ACTL8: variants seen among roughly 807,000 people sequenced by gnomAD.
ACTL8 encodes the protein actin-like protein 8.
In ACTL8, 3 loss-of-function variants were observed where a neutral mutation model predicts 9.3. The ratio of observed to expected loss-of-function variants is 0.32; its 90% confidence interval spans 0.15 to 0.83. ACTL8 has a LOEUF of 0.83. Ranked by LOEUF, ACTL8 falls within the 40% of genes least tolerant of loss-of-function variation. ACTL8 has a pLI of 0.57. For missense variants in ACTL8, 381 were observed against 492.2 expected (o/e 0.77, Z 2.14); for synonymous variants, 224 against 205.9 (o/e 1.09, Z -0.75).
At chr1:17,797,896 G>A (rs552687149) in intron 1 of ACTL8, among the ~76,000 whole-genome samples, 1 of 152,322 alleles carries the variant, frequency 6.6e-6, no homozygotes, top group South Asian at 2.1e-4. Context: ...TGGGTACAGG[G>A]CAGGGGAGCA....
At chr1:17,769,415 A>G (rs762398173) in intron 1 of ACTL8, among the ~76,000 whole-genome samples, 3 of 152,198 alleles carry the variant, frequency 2.0e-5, no homozygotes, top group Non-Finnish European at 2.9e-5. Flanking sequence ...TTTTCACCTT[A>G]GACACGTTTG....
At chr1:17,815,071 G>A (rs1053938603) in intron 1 of ACTL8, among the ~76,000 whole-genome samples, 2 of 152,082 alleles carry the variant, frequency 1.3e-5, no homozygotes, top group African/African-American at 4.8e-5. Flanking sequence ...ATACCATTAT[G>A]TTACAGTTGC....
At chr1:17,824,223 C>T (rs1460724498) in intron 2 of ACTL8, among the ~76,000 whole-genome samples, 2 of 152,146 alleles carry the variant, frequency 1.3e-5, no homozygotes, top group African/African-American at 4.8e-5. Context: ...CAAGGATTGG[C>T]AACCCAGTGA....
intron 1 of ACTL8, among the ~76,000 whole-genome samples, chr1:17,802,424 C>CGTGCGTGT (rs1486912826): frequency 6.8e-6 from 1 of 146,694 alleles, no homozygotes; most frequent in African/African-American, 2.5e-5. Flanking sequence ...ACTGTGCGTG[C>CGTGCGTGT]GTGTGTGTGT....
At chr1:17,810,838 C>T (rs1349010193) in intron 1 of ACTL8, among the ~76,000 whole-genome samples, 1 of 152,136 alleles carries the variant, frequency 6.6e-6, no homozygotes, top group Non-Finnish European at 1.5e-5. Flanking sequence ...ATCAATAGTT[C>T]CTTTTTATTG....
Position 17,823,481 on chromosome 1 carries a change from G to T in ACTL8, c.348+125G>T. The T allele has an allele frequency of 1.1e-6, 1 of 942,300 alleles. No homozygotes were observed. The highest frequency in any genetic ancestry group is 2.6e-5 in the East Asian group (1 of 37,876). 58.4% of individuals were successfully genotyped at this position (942,300 alleles called of 1,614,324 possible). A position where few individuals can be genotyped will look rare whatever the true frequency, so the allele number is the denominator to read the frequency against. ...TTGCCAACCAGGTGTGGTGGCTTAT[G>T]CCTGTAATCCCAACACTTTGGGACT... On this transcript the variant is annotated intron_variant, in intron 2 of 2. Transcript: ENST00000375406. The surrounding 1 kb of genome is among the most constrained non-coding windows in gnomAD (Gnocchi z 5.3).
intron 1 of ACTL8, among the ~76,000 whole-genome samples, chr1:17,805,907 T>C (rs966397114): frequency 2.6e-5 from 4 of 152,200 alleles, no homozygotes; most frequent in African/African-American, 7.2e-5. Flanking sequence ...CTCACCTACC[T>C]ATCCACTCTT....
At chr1:17,759,552 C>G (rs527312891) in intron 1 of ACTL8, among the ~76,000 whole-genome samples, 1 of 152,254 alleles carries the variant, frequency 6.6e-6, no homozygotes, top group East Asian at 1.9e-4. Flanking sequence ...TTTTTTTCTC[C>G]CCCAATGTAG....
intron 1 of ACTL8, among the ~76,000 whole-genome samples, chr1:17,780,218 C>T (rs991440164): frequency 6.6e-6 from 1 of 151,956 alleles, no homozygotes; most frequent in Non-Finnish European, 1.5e-5. Context: ...TGAAAAAAAA[C>T]CCCAAAAACA....
chr1:17,779,019 C>A (rs2066134744), intron 1 of ACTL8, among the ~76,000 whole-genome samples: 1 of 152,136 alleles, frequency 6.6e-6, no homozygotes, highest in Admixed American at 6.5e-5. Context: ...GGGATAGGCA[C>A]CCATTCTAGA....
At chr1:17,758,642 A>G (rs556120627) in intron 1 of ACTL8, among the ~76,000 whole-genome samples, 2 of 152,162 alleles carry the variant, frequency 1.3e-5, no homozygotes, top group African/African-American at 4.8e-5. Flanking sequence ...ACAGTTCTGG[A>G]GTTACTTGGC....
chr1:17,761,163 A>G (rs1396029214), intron 1 of ACTL8, among the ~76,000 whole-genome samples: 1 of 143,822 alleles, frequency 7.0e-6, no homozygotes, highest in Admixed American at 7.0e-5. Flanking sequence ...TTTGGTAGAG[A>G]CAAGGTCTTG....
At position 17,785,053 on chromosome 1, in the gene ACTL8, A is replaced by G. The variant is rs552246019; in HGVS notation, c.-25+29549A>G. ...TCAGATCTCATGAGAATTATTCACT[A>G]TCACGGGAACAGCATGGGAAAGATT... On this transcript the variant is annotated intron_variant, in intron 1 of 2. Coordinates refer to ENST00000375406, the MANE Select transcript of ACTL8 (RefSeq NM_030812.3). Among the ~76,000 whole-genome samples, 24 of 151,846 alleles carry G rather than the reference A, an allele frequency of 1.6e-4. No individual in the cohort carries two copies. The South Asian group carries it at 2.9e-3, about 18-fold the overall frequency.
chr1:17,762,714 C>G (rs2102673818), intron 1 of ACTL8, among the ~76,000 whole-genome samples: 2 of 152,232 alleles, frequency 1.3e-5, no homozygotes, highest in East Asian at 3.9e-4. Context: ...AAAAACCAAG[C>G]TTCTCTGGTC....
In ACTL8 at chr1:17,811,761, A is replaced by G. The variant is rs959165704; in HGVS notation, c.-24-11224A>G. On this transcript the variant is annotated intron_variant, in intron 1 of 2. Coordinates refer to ENST00000375406, the MANE Select transcript of ACTL8 (RefSeq NM_030812.3). ...TGTCCTTGTACCTTTGTCAAAATCA[A>G]TTGATTAGATTTGTGTGAGTCTATT... Among the ~76,000 whole-genome samples the G allele has an allele frequency of 3.9e-5, 6 of 152,180 alleles. No homozygotes were observed. The East Asian group carries it at 5.8e-4, about 15-fold the overall frequency.
rs964043413 is a variant in ACTL8, at chr1:17,825,677, C to A, written c.349-90C>A. On this transcript the variant is annotated intron_variant, in intron 2 of 2. Transcript: ENST00000375406. ...AGCATCCTGGGGCAGCCCGAGAGTCCCCCCGAGGATGGGGCTCTGTGCTGA... is the reference window on the plus strand; with the variant it reads ...AGCATCCTGGGGCAGCCCGAGAGTCACCCCGAGGATGGGGCTCTGTGCTGA... The A allele has an allele frequency of 2.0e-6, 3 of 1,496,902 alleles. No individual in the cohort carries two copies. In the African/African-American group the frequency reaches 4.1e-5, roughly 21 times the overall value. The allele number at this position is 1,496,902 out of a possible 1,614,324, so 92.7% of individuals were successfully genotyped here. A position where few individuals can be genotyped will look rare whatever the true frequency, so the allele number is the denominator to read the frequency against.
At chr1:17,806,987 GC>G (rs2066363966) in intron 1 of ACTL8, among the ~76,000 whole-genome samples, 1 of 152,176 alleles carries the variant, frequency 6.6e-6, no homozygotes, top group Admixed American at 6.5e-5. Context: ...CCATGTCTTT[GC>G]CGTTTCCAGC....
At chr1:17,756,010 C>G (rs541529235) in intron 1 of ACTL8, among the ~76,000 whole-genome samples, 9 of 152,132 alleles carry the variant, frequency 5.9e-5, no homozygotes, top group Non-Finnish European at 1.2e-4. Context: ...AGGACGTTTA[C>G]TCTGTCACAG....
intron 1 of ACTL8, among the ~76,000 whole-genome samples, chr1:17,803,086 T>C (rs1329320382): frequency 6.6e-6 from 1 of 152,172 alleles, no homozygotes; most frequent in Non-Finnish European, 1.5e-5. Context: ...TCCCCATATG[T>C]TGTGGGAGGG....
Sources: allele counts gnomAD v4.1 joint callset (sites outside exome capture counted in the v4.1 genomes callset), GRCh38; gene constraint gnomAD v4.1.1; non-coding constraint Gnocchi (gnomAD v3.1); transcripts MANE v1.5; gene names NCBI Gene and HGNC (gene_info 2026-07-23, HGNC 2026-07-21).